The following GABBR2 variants were observed in gnomAD, a reference collection of about 807,000 sequenced individuals.
GABBR2 encodes G-protein coupled receptor 51.
A neutral mutation model predicts 105.6 loss-of-function variants in GABBR2; 23 were observed. That is an observed-to-expected ratio of 0.22 (90% confidence interval 0.16 to 0.31). The LOEUF is 0.31. Among genes scored for constraint, GABBR2 ranks in the 10% least tolerant of loss-of-function variants. GABBR2 has a pLI of 1.00. For missense variants in GABBR2, 734 were observed against 1,245.5 expected (o/e 0.59, Z 6.18); for synonymous variants, 478 against 499.7 (o/e 0.96, Z 0.58).
At chr9:98,649,400 A>G (rs1456809705) in intron 1 of GABBR2, among the ~76,000 whole-genome samples, 1 of 152,184 alleles carries the variant, frequency 6.6e-6, no homozygotes, top group African/African-American at 2.4e-5. Flanking sequence ...TTACGGCCCC[A>G]AAGAGTTAGT....
intron 1 of GABBR2, among the ~76,000 whole-genome samples, chr9:98,633,170 C>G (rs1829835951): frequency 1.3e-5 from 2 of 152,104 alleles, no homozygotes; most frequent in Admixed American, 1.3e-4. Flanking sequence ...CCAGTACCAG[C>G]CAGCTCCAGA....
chr9:98,534,399 G>T (rs1828128144), intron 3 of GABBR2, among the ~76,000 whole-genome samples: 2 of 152,206 alleles, frequency 1.3e-5, no homozygotes, highest in Admixed American at 1.3e-4. Flanking sequence ...ACTCAGCCAT[G>T]CAGTGGGGCT....
intron 5 of GABBR2, among the ~76,000 whole-genome samples, chr9:98,477,595 A>T (rs1468437508): frequency 6.6e-6 from 1 of 152,080 alleles, no homozygotes; most frequent in African/African-American, 2.4e-5. Flanking sequence ...AACGGGTACT[A>T]TTGCATGAGA....
At chr9:98,607,293 G>A (rs1829440389) in intron 1 of GABBR2, 3 of 877,264 alleles carry the variant, frequency 3.4e-6, no homozygotes, top group Non-Finnish European at 5.9e-6. Flanking sequence ...TCAGATGCCT[G>A]ATAACGGTGT....
rs760146944 is a variant in GABBR2 at position 98,708,592 on chromosome 9, G to A, written c.146C>T (p.Pro49Leu). Residue 49 changes from proline (P) to leucine (L), a missense_variant, in exon 1 of 19, where the codon CCG (proline) becomes CTG (leucine). By Grantham distance (98) the Pro-to-Leu change is moderately conservative. Transcript: ENST00000259455. ...AWGWARGAPR[P>L]PPSSPPLSIM... ...GGAGAGCGGCGGGCTGCTGGGCGGC[G>A]GCCGGGGGGCGCCCCGCGCCCAGCC... 1.4e-6 allele frequency: 2 copies of A among 1,452,842 alleles called. No homozygotes were observed. The highest frequency in any genetic ancestry group is 2.3e-5 in the Admixed American group (1 of 44,382). 90.0% of individuals were successfully genotyped at this position (1,452,842 alleles called of 1,614,324 possible).
intron 7 of GABBR2, among the ~76,000 whole-genome samples, chr9:98,446,818 A>T (rs1316822142): frequency 6.6e-6 from 1 of 152,182 alleles, no homozygotes; most frequent in Non-Finnish European, 1.5e-5. Context: ...TAGGGCTCCC[A>T]GTTGTTATAC....
chr9:98,390,114 C>T (rs1832152084), intron 9 of GABBR2, among the ~76,000 whole-genome samples: 1 of 152,146 alleles, frequency 6.6e-6, no homozygotes, highest in African/African-American at 2.4e-5. Context: ...GTGGCTCATG[C>T]CTGTAATCCC....
At chr9:98,315,899 G>C (rs1267434716) in intron 13 of GABBR2, among the ~76,000 whole-genome samples, 1 of 152,232 alleles carries the variant, frequency 6.6e-6, no homozygotes, top group Non-Finnish European at 1.5e-5. Flanking sequence ...AAGCACCATG[G>C]GGGACTCCCC....
At chr9:98,291,525 A>G (rs10818739) in intron 18 of GABBR2, among the ~76,000 whole-genome samples, 40,562 of 152,052 alleles carry the variant, frequency 0.27, 6,835 homozygotes, top group African/African-American at 0.48. Flanking sequence ...TGCTGGGCCA[A>G]TTCCCACAGG....
chr9:98,664,666 T>C (rs116521259), intron 1 of GABBR2, among the ~76,000 whole-genome samples: 200 of 152,228 alleles, frequency 1.3e-3, no homozygotes, highest in African/African-American at 4.6e-3. Flanking sequence ...AAAAGACCAA[T>C]CTCGTTCACT....
At chr9:98,313,389 A>ATCTG (rs546936727) in intron 13 of GABBR2, among the ~76,000 whole-genome samples, 8 of 152,134 alleles carry the variant, frequency 5.3e-5, no homozygotes, top group African/African-American at 9.7e-5. Context: ...TTAAAAATAA[A>ATCTG]TCTGTCTGTC....
intron 15 of GABBR2, among the ~76,000 whole-genome samples, chr9:98,303,795 CAAAG>C (rs1347926255): frequency 6.6e-6 from 1 of 152,236 alleles, no homozygotes; most frequent in Non-Finnish European, 1.5e-5. Flanking sequence ...GTTGTGACAA[CAAAG>C]AGACAGAGGA....
intron 2 of GABBR2, among the ~76,000 whole-genome samples, chr9:98,562,973 G>T (rs1024165815): frequency 6.6e-6 from 1 of 150,420 alleles, no homozygotes; most frequent in African/African-American, 2.4e-5. Flanking sequence ...GGGGGGCTGA[G>T]GGGGGAGGAT....
chr9:98,386,929 C>T (rs867175353), intron 10 of GABBR2, among the ~76,000 whole-genome samples: 1 of 152,320 alleles, frequency 6.6e-6, no homozygotes, highest in South Asian at 2.1e-4. Context: ...TGACAAATCA[C>T]TTAGCCTGGC....
chr9:98,620,777 C>T (rs75971763), intron 1 of GABBR2, among the ~76,000 whole-genome samples: 53 of 152,204 alleles, frequency 3.5e-4, no homozygotes, highest in African/African-American at 1.2e-3. Context: ...ATTATTGCTC[C>T]GGTGGAGGGA....
intron 3 of GABBR2, among the ~76,000 whole-genome samples, chr9:98,536,623 T>C (rs1384567310): frequency 2.0e-5 from 3 of 152,068 alleles, no homozygotes; most frequent in African/African-American, 7.2e-5. Context: ...CTCCTTGCCC[T>C]AAATTCCAGT....
At chr9:98,477,202 G>A (rs181145907) in intron 5 of GABBR2, among the ~76,000 whole-genome samples, 20 of 152,292 alleles carry the variant, frequency 1.3e-4, no homozygotes, top group Admixed American at 3.3e-4. Flanking sequence ...TGGACCGACC[G>A]AATGAATGCA....
chr9:98,316,913 C>T lies in GABBR2; in HGVS notation c.1894-5708G>A, dbSNP rs78712121. Among the ~76,000 whole-genome samples, 563 of 152,240 alleles carry T rather than the reference C, an allele frequency of 3.7e-3. 2 individuals are homozygous for T. Among genetic ancestry groups the T allele is most frequent in the African/African-American group, 0.012 (507 of 41,532 alleles). The stretch of plus-strand genomic sequence containing the variant: ...TCTCGGGGCTGAGATTAAACCCAGG[C>T]GTGTGTGACTCTCAAACCAGCACTC... On this transcript the variant is annotated intron_variant, in intron 13 of 18. Coordinates refer to ENST00000259455, the MANE Select transcript of GABBR2 (RefSeq NM_005458.8).
intron 11 of GABBR2, among the ~76,000 whole-genome samples, chr9:98,384,701 T>G (rs1445936557): frequency 6.6e-6 from 1 of 152,236 alleles, no homozygotes; most frequent in Non-Finnish European, 1.5e-5. Flanking sequence ...GTAAATTAGT[T>G]ACACTGCTTT....
Sources: gnomAD v4.1 joint callset for allele counts (sites outside exome capture counted in the v4.1 genomes callset) on GRCh38, gnomAD v4.1.1 for gene constraint, MANE v1.5 for transcripts, NCBI Gene and HGNC (gene_info 2026-07-23, HGNC 2026-07-21) for gene names.